Variants in DAP observed in about 807,000 individuals in gnomAD.
DAP encodes death associated protein.
Under a neutral mutation model 13.8 loss-of-function variants are expected in DAP, and 8 were observed. The observed-to-expected ratio is 0.58, with a 90% confidence interval of 0.34 to 1.05. The LOEUF (loss-of-function observed/expected upper bound fraction) is 1.05, where lower values mean the gene tolerates loss of function less well. Ranked by LOEUF, DAP falls within the 50% of genes least tolerant of loss-of-function variation. The probability of loss-of-function intolerance (pLI) is 0.03; values close to 1 mark genes in which losing one functional copy is unlikely to be tolerated. For missense variants in DAP, 106 were observed against 133.2 expected (o/e 0.80, Z 1.01); for synonymous variants, 47 against 47.5 (o/e 0.99, Z 0.04).
intron 1 of DAP, among the ~76,000 whole-genome samples, chr5:10,760,671 C>A (rs898580283): frequency 6.6e-6 from 1 of 152,242 alleles, no homozygotes; most frequent in Non-Finnish European, 1.5e-5. Context: ...ACATCTGTAT[C>A]CTCTAAGTAA....
chr5:10,761,003 A>G lies in DAP; in HGVS notation c.55+11T>C. 8.1e-7 allele frequency: 1 copy of G among 1,234,566 alleles called. No individual in the cohort carries two copies. Among genetic ancestry groups the G allele is most frequent in the Non-Finnish European group, 1.0e-6 (1 of 977,392 alleles). 76.5% of individuals were successfully genotyped at this position (1,234,566 alleles called of 1,614,324 possible). On this transcript the variant is annotated intron_variant, in intron 1 of 3. Coordinates refer to ENST00000230895, the MANE Select transcript of DAP (RefSeq NM_004394.3). Reference sequence around the variant, plus strand: ...CACCCGCGCGTGGAGAGAGAGGAAAAGAGTCAGTACCGGCGGGCGGGTGTC... The same window carrying G: ...CACCCGCGCGTGGAGAGAGAGGAAAGGAGTCAGTACCGGCGGGCGGGTGTC...
At chr5:10,748,476 T>G (rs5745195) in intron 1 of DAP, among the ~76,000 whole-genome samples, 239 of 152,356 alleles carry the variant, frequency 1.6e-3, no homozygotes, top group African/African-American at 5.5e-3. Context: ...TTACTACAGA[T>G]CCACTCAGAA....
chr5:10,741,108 T>C (rs1307647178), intron 2 of DAP, among the ~76,000 whole-genome samples: 7 of 152,198 alleles, frequency 4.6e-5, no homozygotes, highest in Non-Finnish European at 7.3e-5. Context: ...CCCAGCACTA[T>C]GGGAGGCTGA....
rs540297548 is a variant in DAP, at chr5:10,722,655, C to G, written c.152+25520G>C. ...ATATATACATATATATATATGTTCA[C>G]GACTGCAAGTGGTCAGATGCTGGCT... On this transcript the variant is annotated intron_variant, in intron 2 of 3. Coordinates refer to ENST00000230895, the MANE Select transcript of DAP (RefSeq NM_004394.3). 1.7e-4 allele frequency among the ~76,000 whole-genome samples: 25 copies of G among 150,664 alleles called. No individual in the cohort carries two copies. The East Asian group carries it at 4.5e-3, about 27-fold the overall frequency.
chr5:10,711,281 G>A (rs1353152679), intron 2 of DAP, among the ~76,000 whole-genome samples: 1 of 152,338 alleles, frequency 6.6e-6, no homozygotes, highest in African/African-American at 2.4e-5. Context: ...CTCACCCGGG[G>A]TGGCCTGGGG....
chr5:10,742,078 T>C lies in DAP; in HGVS notation c.152+6097A>G, dbSNP rs1739770104. ...AGTGGATCTTGTCTATAACAATTAC[T>C]GTGCTGTTTGCCTCCTGGTGATATT... On this transcript the variant is annotated intron_variant, in intron 2 of 3. Coordinates refer to ENST00000230895, the MANE Select transcript of DAP (RefSeq NM_004394.3). 2.6e-5 allele frequency among the ~76,000 whole-genome samples: 4 copies of C among 152,390 alleles called. No homozygotes were observed. The South Asian group carries it at 8.3e-4, about 32-fold the overall frequency.
chr5:10,749,804 T>G (rs1048675023), intron 1 of DAP, among the ~76,000 whole-genome samples: 2 of 151,214 alleles, frequency 1.3e-5, no homozygotes, highest in Non-Finnish European at 1.5e-5. Context: ...GCTACAGTGT[T>G]CCATGAACAG....
intron 2 of DAP, among the ~76,000 whole-genome samples, chr5:10,712,421 A>G (rs1230242238): frequency 3.9e-5 from 6 of 152,180 alleles, no homozygotes; most frequent in Non-Finnish European, 5.9e-5. Context: ...GCTTTGAAAA[A>G]GCCGCTTCAG....
At chr5:10,700,817 G>C (rs1738558721) in intron 2 of DAP, among the ~76,000 whole-genome samples, 2 of 152,264 alleles carry the variant, frequency 1.3e-5, no homozygotes, top group East Asian at 3.9e-4. Context: ...ACTAACCCAG[G>C]GCCCTTGTTT....
intron 2 of DAP, among the ~76,000 whole-genome samples, chr5:10,690,313 C>CTAAT (rs1235018209): frequency 6.6e-6 from 1 of 152,178 alleles, no homozygotes; most frequent in Non-Finnish European, 1.5e-5. Flanking sequence ...AGCTCAGCAA[C>CTAAT]TAATTACAAA....
At chr5:10,684,958 G>C (rs1182607175) in intron 2 of DAP, among the ~76,000 whole-genome samples, 2 of 152,160 alleles carry the variant, frequency 1.3e-5, no homozygotes, top group Non-Finnish European at 2.9e-5. Context: ...CTGGGTAGAG[G>C]GGGTAGAATT....
At chr5:10,717,256 T>C (rs1383104476) in intron 2 of DAP, among the ~76,000 whole-genome samples, 1 of 152,190 alleles carries the variant, frequency 6.6e-6, no homozygotes, top group Admixed American at 6.5e-5. Context: ...GTGAGAGTCT[T>C]ACCTCCTGTA....
At chr5:10,742,312 A>G (rs1739779068) in intron 2 of DAP, among the ~76,000 whole-genome samples, 1 of 152,192 alleles carries the variant, frequency 6.6e-6, no homozygotes, top group African/African-American at 2.4e-5. Context: ...AGACGGGCCA[A>G]TCACAAGGTC....
chr5:10,697,442 G>A (rs374558086), intron 2 of DAP, among the ~76,000 whole-genome samples: 8 of 152,254 alleles, frequency 5.3e-5, no homozygotes, highest in South Asian at 4.1e-4. Context: ...ACACGTCCAC[G>A]CTTTAGAGTC....
chr5:10,746,207 C>T (rs1003248433), intron 2 of DAP, among the ~76,000 whole-genome samples: 2 of 152,156 alleles, frequency 1.3e-5, no homozygotes, highest in Non-Finnish European at 2.9e-5. Flanking sequence ...TTCTAAAATA[C>T]GTCGGGCCGC....
intron 2 of DAP, among the ~76,000 whole-genome samples, chr5:10,693,238 G>C (rs1738351529): frequency 6.6e-6 from 1 of 152,172 alleles, no homozygotes; most frequent in African/African-American, 2.4e-5. Flanking sequence ...GGCATTACTG[G>C]AGAGTTGTAC....
At chr5:10,729,145 T>C (rs1561025054) in intron 2 of DAP, among the ~76,000 whole-genome samples, 2 of 152,184 alleles carry the variant, frequency 1.3e-5, no homozygotes, top group African/African-American at 4.8e-5. Flanking sequence ...GTTTCAAAAA[T>C]GTCAAAACAA....
Position 10,680,970 on chromosome 5 carries a change from T to C in DAP, c.*86A>G. On this transcript the variant is annotated 3_prime_UTR_variant, in exon 4 of 4. Coordinates refer to ENST00000230895, the MANE Select transcript of DAP (RefSeq NM_004394.3). ...CTTAGATTTCCCAGCAGAGTAGGAT[T>C]TGGGCGAAACTGCTGGTTCTCTCTG... 1 of 1,545,158 alleles carries C rather than the reference T, an allele frequency of 6.5e-7. No homozygotes were observed. Among genetic ancestry groups the C allele is most frequent in the Non-Finnish European group, 8.7e-7 (1 of 1,147,064 alleles).
chr5:10,683,179 T>TGATAA (rs1738066869), intron 3 of DAP: 1 of 325,160 alleles, frequency 3.1e-6, no homozygotes. Context: ...AGGCATCCTC[T>TGATAA]GATAAGAAAG....
Sources: allele counts gnomAD v4.1 joint callset (sites outside exome capture counted in the v4.1 genomes callset), GRCh38; gene constraint gnomAD v4.1.1; transcripts MANE v1.5; gene names NCBI Gene and HGNC (gene_info 2026-07-23, HGNC 2026-07-21).